ZNF430: variants seen among roughly 807,000 people sequenced by gnomAD.
The protein encoded by ZNF430 is zinc finger protein 430.
In ZNF430, 35 loss-of-function variants were observed where a neutral mutation model predicts 56.7. The ratio of observed to expected loss-of-function variants is 0.62; its 90% CI spans 0.47 to 0.82. The LOEUF (loss-of-function observed/expected upper bound fraction) is 0.82, where lower values mean the gene tolerates loss of function less well. Ranked by LOEUF, ZNF430 falls within the 40% of genes least tolerant of loss-of-function variation. The pLI, the probability that ZNF430 is intolerant of heterozygous loss-of-function variation, is 0.00. For synonymous variants in ZNF430, 212 were observed against 224.3 expected (o/e 0.94, Z 0.49); for missense variants, 574 against 661.0 (o/e 0.87, Z 1.44).
chr19:21,033,324 G>T (rs1397940249), intron 2 of ZNF430, 132 bp from the exon 3 acceptor site: 7 of 1,266,434 alleles, frequency 5.5e-6, no homozygotes, highest in African/African-American at 4.7e-5. Flanking sequence ...AAAATTATTG[G>T]ATAATTTCAG....
chr19:21,034,316 T>A (rs932722386), intron 4 of ZNF430, 132 bp downstream of exon 4: 13 of 702,154 alleles, frequency 1.9e-5, no homozygotes, highest in African/African-American at 9.1e-5. Flanking sequence ...TTTTTTTTTT[T>A]AATTTTGCCC....
Position 21,041,609 on chromosome 19 carries a change from C to G in ZNF430, c.322+7425C>G, listed in dbSNP as rs1007403302. ...GTTTACTGCACCTATCAATTCATCA[C>G]TTAGGTGTGAAGCCCTGCATGCATT... On this transcript the variant is annotated intron_variant, in intron 4 of 4. Transcript: ENST00000261560. 5.9e-5 allele frequency among the ~76,000 whole-genome samples: 9 copies of G among 152,182 alleles called. 1 individual carries two copies. The highest frequency in any genetic ancestry group is 2.2e-4 in the African/African-American group (9 of 41,448).
In ZNF430 at chr19:21,057,459, G is replaced by A. The variant is rs199515644; in HGVS notation, c.1151G>A (p.Arg384Gln). Residue 384 changes from arginine (R) to glutamine (Q), a missense_variant, in exon 5 of 5, where the codon CGA (arginine) becomes CAA (glutamine). This residue lies in a region of ZNF430 where 213 missense variants were observed against 221.0 expected (regional missense o/e 0.96). Coordinates refer to ENST00000261560, the MANE Select transcript of ZNF430 (RefSeq NM_025189.4). ...GAAGAATGTGGCAAAGCTTTTTACC[G>A]ATTCTCATACCTTACTAAACATAAG... is the stretch of plus-strand genomic sequence containing the variant. ...KCEECGKAFYRFSYLTKHKII... is the reference protein window; with the variant it reads ...KCEECGKAFYQFSYLTKHKII... The A allele has an allele frequency of 4.2e-5, 68 of 1,609,320 alleles. No individual in the cohort carries two copies. Among genetic ancestry groups the A allele is most frequent in the African/African-American group, 3.4e-4 (25 of 73,682 alleles).
Position 21,057,774 on chromosome 19 carries a change from A to G in ZNF430, c.1466A>G (p.Glu489Gly), listed in dbSNP as rs1968407362. ...HSGEKPYKCE[E>G]CGKAFNQFSN... ...GGAGAGAAACCCTACAAATGTGAAG[A>G]ATGTGGCAAAGCTTTTAACCAATTC... Residue 489 changes from glutamate (E) to glycine (G), a missense_variant, in exon 5 of 5, where the codon GAA becomes GGA. Transcript: ENST00000261560. 1 of 1,614,038 alleles carries G rather than the reference A, an allele frequency of 6.2e-7. No individual in the cohort carries two copies. Among genetic ancestry groups the G allele is most frequent in the African/African-American group, 1.3e-5 (1 of 75,062 alleles).
Position 21,054,181 on chromosome 19 carries a change from TATA to T in ZNF430, c.323-2444_323-2442del, listed in dbSNP as rs1048398051. 1.6e-3 allele frequency among the ~76,000 whole-genome samples: 247 copies of T among 152,296 alleles called. 1 individual carries two copies. The highest frequency in any genetic ancestry group is 5.6e-3 in the African/African-American group (234 of 41,576). On this transcript the variant is annotated intron_variant, in intron 4 of 4. Coordinates refer to ENST00000261560, the MANE Select transcript of ZNF430 (RefSeq NM_025189.4). ...TAATTAAAAATGTTTTCTGCACCATTATAATAATGCTTAAAAATTCAATTTTTG... is the reference window on the plus strand; with the variant it reads ...TAATTAAAAATGTTTTCTGCACCATTATAATGCTTAAAAATTCAATTTTTG...
rs1968140676 is a variant in ZNF430, at chr19:21,043,419, A to C, written c.322+9235A>C. On this transcript the variant is annotated intron_variant, in intron 4 of 4. Coordinates refer to ENST00000261560, the MANE Select transcript of ZNF430 (RefSeq NM_025189.4). The stretch of plus-strand genomic sequence containing the variant: ...GTTTTTGTCAGATTTTTCAAAGATC[A>C]GATGGTTGTAGATAAGCAGTCTTAT... Among the ~76,000 whole-genome samples the C allele has an allele frequency of 2.0e-5, 3 of 152,196 alleles. No homozygotes were observed. The South Asian group carries it at 6.2e-4, about 31-fold the overall frequency.
At chr19:21,055,403 A>G (rs189108568) in intron 4 of ZNF430, among the ~76,000 whole-genome samples, 2 of 151,704 alleles carry the variant, frequency 1.3e-5, no homozygotes, top group Non-Finnish European at 1.5e-5. Context: ...TTATTTTTTA[A>G]TTAAAAGAGT....
At chr19:21,034,884 A>G (rs1057485937) in intron 4 of ZNF430, 1 of 152,194 alleles carries the variant, frequency 6.6e-6, no homozygotes, top group Non-Finnish European at 1.5e-5. Flanking sequence ...TGAAATGTGT[A>G]ATAGTAGTGG....
At chr19:21,050,110 T>G (rs912284595) in intron 4 of ZNF430, among the ~76,000 whole-genome samples, 1 of 149,566 alleles carries the variant, frequency 6.7e-6, no homozygotes, top group Non-Finnish European at 1.5e-5. Flanking sequence ...GGTCTCGATC[T>G]CCTGACTGTG....
intron 4 of ZNF430, chr19:21,036,627 T>TC (rs1968004351): frequency 6.6e-6 from 1 of 151,754 alleles, no homozygotes; most frequent in South Asian, 2.1e-4. Flanking sequence ...ATATGGAGAG[T>TC]CCCTCTCTAC....
chr19:21,034,175 C>A lies in ZNF430; in HGVS notation c.313C>A (p.Gln105Lys). Residue 105 changes from glutamine to lysine, a missense_variant, in exon 4 of 5, where the codon CAA (glutamine) becomes AAA (lysine). By Grantham distance (53) the Gln-to-Lys change is moderately conservative. Around this residue, in one of 3 missense-constraint regions of ZNF430, gnomAD observed 346 missense variants for 399.1 expected, o/e 0.87. Transcript: ENST00000261560. ...WNMKRHAMVD[Q>K]PPVTYSHFAQ... ...TATGAAGAGACATGCGATGGTAGAT[C>A]AACCCCCAGGTAGGTGAGAGTGAAC... 6.3e-7 allele frequency: 1 copy of A among 1,599,974 alleles called. No homozygotes were observed. Among genetic ancestry groups the A allele is most frequent in the Non-Finnish European group, 8.5e-7 (1 of 1,171,822 alleles).
At position 21,028,137 on chromosome 19, in the gene ZNF430, A is replaced by G. The variant is rs137902103; in HGVS notation, c.96+5256A>G. Among the ~76,000 whole-genome samples the G allele has an allele frequency of 1.5e-3, 234 of 152,298 alleles. 1 individual carries two copies. The East Asian group carries it at 0.032, about 21-fold the overall frequency. On this transcript the variant is annotated intron_variant, in intron 2 of 4. Coordinates refer to ENST00000261560, the MANE Select transcript of ZNF430 (RefSeq NM_025189.4). ...GACACGGCCAGACTTTAGGTTGAGA[A>G]TGTACAGAAAACCAACAGGAGGCAT...
chr19:21,032,590 G>T (rs1383179061), intron 2 of ZNF430, among the ~76,000 whole-genome samples: 1 of 152,080 alleles, frequency 6.6e-6, no homozygotes, highest in Non-Finnish European at 1.5e-5. Flanking sequence ...AGCTGGGCAT[G>T]GTGGTACATG....
chr19:21,049,254 CTA>C (rs945297347), intron 4 of ZNF430, among the ~76,000 whole-genome samples: 4 of 148,726 alleles, frequency 2.7e-5, no homozygotes, highest in Non-Finnish European at 5.9e-5. Context: ...ACCTATACTG[CTA>C]TGTTTTCCAG....
intron 4 of ZNF430, among the ~76,000 whole-genome samples, chr19:21,042,457 G>A: frequency 6.6e-6 from 1 of 152,048 alleles, no homozygotes; most frequent in East Asian, 1.9e-4. Context: ...TTTCTCCACA[G>A]CCTCATCAGC....
At chr19:21,049,656 C>CATTTCCT (rs1968247843) in intron 4 of ZNF430, 1 of 148,738 alleles carries the variant, frequency 6.7e-6, no homozygotes, top group African/African-American at 2.5e-5. Flanking sequence ...TTTCTTGTTA[C>CATTTCCT]GTTTCCTGCA....
At chr19:21,052,039 C>T (rs796271197) in intron 4 of ZNF430, among the ~76,000 whole-genome samples, 1 of 151,884 alleles carries the variant, frequency 6.6e-6, no homozygotes, top group East Asian at 1.9e-4. Flanking sequence ...GCAGTATGGA[C>T]GTCTTCAAAA....
intron 4 of ZNF430, among the ~76,000 whole-genome samples, chr19:21,052,664 C>G (rs1366802376): frequency 2.6e-5 from 4 of 152,136 alleles, no homozygotes; most frequent in Non-Finnish European, 5.9e-5. Context: ...ATTTTGGTCT[C>G]TTCTGCTCTC....
chr19:21,051,742 G>GC, intron 4 of ZNF430, among the ~76,000 whole-genome samples: 1 of 152,090 alleles, frequency 6.6e-6, no homozygotes. Context: ...GCCCACCTTG[G>GC]CCCCCCAAAG....
Sources: allele counts gnomAD v4.1 joint callset (sites outside exome capture counted in the v4.1 genomes callset), GRCh38; gene constraint gnomAD v4.1.1; regional missense constraint gnomAD v4.1.1; transcripts MANE v1.5; gene names NCBI Gene and HGNC (gene_info 2026-07-23, HGNC 2026-07-21).